PRMT9: variants seen among roughly 807,000 people sequenced by gnomAD.
PRMT9 encodes the protein protein arginine N-methyltransferase 9.
A neutral mutation model predicts 83.2 loss-of-function variants in PRMT9; 59 were observed. The observed-to-expected ratio is 0.71, with a 90% CI of 0.57 to 0.88. The LOEUF (loss-of-function observed/expected upper bound fraction) is 0.88, where lower values mean the gene tolerates loss of function less well. Among genes scored for constraint, PRMT9 ranks in the 40% least tolerant of loss-of-function variants. The probability of loss-of-function intolerance (pLI) is 0.00; values close to 1 mark genes in which losing one functional copy is unlikely to be tolerated. For synonymous variants in PRMT9, 333 were observed against 353.2 expected (o/e 0.94, Z 0.64); for missense variants, 947 against 1,021.9 (o/e 0.93, Z 1.00).
intron 5 of PRMT9, among the ~76,000 whole-genome samples, chr4:147,670,386 T>A (rs528246839): frequency 1.3e-5 from 2 of 152,152 alleles, no homozygotes; most frequent in African/African-American, 4.8e-5. Flanking sequence ...TCCATGTTGG[T>A]AAGGCTGGTC....
chr4:147,672,823 A>G, intron 4 of PRMT9, 136 bp downstream of exon 4: 2 of 434,010 alleles, frequency 4.6e-6, no homozygotes, highest in Non-Finnish European at 7.9e-6. Flanking sequence ...CTTATAATAA[A>G]CTATCTTATC....
rs1578953987 is a variant in PRMT9, at chr4:147,684,060, C to T, written c.-73G>A. ...ATTAGAAAACTCTCTCGATGCTACA[C>T]TTCCAGGGACCAGACAACTGCTCAA... On this transcript the variant is annotated 5_prime_UTR_variant, in exon 1 of 12. It adds an upstream start codon to the 5' untranslated region. Coordinates refer to ENST00000322396, the MANE Select transcript of PRMT9 (RefSeq NM_138364.4). 2 of 1,472,638 alleles carry T rather than the reference C, an allele frequency of 1.4e-6. No individual in the cohort carries two copies. The highest frequency in any genetic ancestry group is 1.2e-5 in the South Asian group (1 of 84,446). The allele number at this position is 1,472,638 out of a possible 1,614,324, so 91.2% of individuals were successfully genotyped here.
chr4:147,667,422 C>G (rs1273619773), intron 6 of PRMT9, among the ~76,000 whole-genome samples: 1 of 152,098 alleles, frequency 6.6e-6, no homozygotes. Context: ...AGTTTTTAAA[C>G]AAAATTAAAT....
Position 147,638,950 on chromosome 4 carries a change from T to C in PRMT9, c.2322+10A>G, listed in dbSNP as rs751309669. ...ATAACAAACGAAATCATTTTGCATG[T>C]TGTCCTTACCTTTACTTCTCTGTTA... On this transcript the variant is annotated intron_variant, in intron 11 of 11. Coordinates refer to ENST00000322396, the MANE Select transcript of PRMT9 (RefSeq NM_138364.4). The C allele has an allele frequency of 3.1e-6, 5 of 1,609,792 alleles. No homozygotes were observed. The South Asian group carries it at 4.4e-5, about 14-fold the overall frequency.
intron 1 of PRMT9, 29 bp downstream of exon 1, chr4:147,683,770 G>A: frequency 3.2e-6 from 4 of 1,255,450 alleles, no homozygotes; most frequent in Non-Finnish European, 3.3e-6. Context: ...CGTTGGATCT[G>A]CCAGCAAGTG....
At chr4:147,643,911 G>C (rs1334733960) in intron 9 of PRMT9, among the ~76,000 whole-genome samples, 1 of 152,186 alleles carries the variant, frequency 6.6e-6, no homozygotes, top group Non-Finnish European at 1.5e-5. Flanking sequence ...AGGATCGCTT[G>C]AGCCCAGGAG....
chr4:147,669,994 T>G (rs1735622634), intron 5 of PRMT9, among the ~76,000 whole-genome samples: 1 of 152,206 alleles, frequency 6.6e-6, no homozygotes, highest in Admixed American at 6.5e-5. Context: ...CAGTGAGGTC[T>G]GTAAGACTGA....
intron 7 of PRMT9, among the ~76,000 whole-genome samples, chr4:147,658,462 A>C (rs538700491): frequency 1.3e-5 from 2 of 152,156 alleles, no homozygotes; most frequent in Non-Finnish European, 2.9e-5. Flanking sequence ...TGAGATTTTA[A>C]AAAGGAAGAA....
intron 6 of PRMT9, among the ~76,000 whole-genome samples, chr4:147,665,840 T>C (rs1463804146): frequency 1.3e-5 from 2 of 152,232 alleles, no homozygotes; most frequent in Non-Finnish European, 2.9e-5. Context: ...ATTGAAATAC[T>C]TTCTTACTAA....
At chr4:147,661,212 G>C in intron 6 of PRMT9, 174 bp from the exon 7 acceptor site, 1 of 512,094 alleles carries the variant, frequency 2.0e-6, no homozygotes, top group Non-Finnish European at 3.4e-6. Context: ...AACTATAAAG[G>C]AAAACAACTA....
At chr4:147,649,787 G>T (rs1021722527) in intron 9 of PRMT9, among the ~76,000 whole-genome samples, 1 of 152,162 alleles carries the variant, frequency 6.6e-6, no homozygotes, top group African/African-American at 2.4e-5. Context: ...TTACAGGCAT[G>T]AGCCACCGCA....
chr4:147,641,198 T>C (rs1733376475), intron 10 of PRMT9, among the ~76,000 whole-genome samples: 1 of 152,188 alleles, frequency 6.6e-6, no homozygotes, highest in Non-Finnish European at 1.5e-5. Flanking sequence ...AGTCACATCA[T>C]GTCAAGCCTC....
rs985486059 is a variant in PRMT9 at position 147,684,044 on chromosome 4, C to T, written c.-57G>A. On this transcript the variant is annotated 5_prime_UTR_variant, in exon 1 of 12. Transcript: ENST00000322396. The stretch of plus-strand genomic sequence containing the variant: ...ATATTTTGTAAACGTAATTAGAAAA[C>T]TCTCTCGATGCTACACTTCCAGGGA... 3 of 1,536,148 alleles carry T rather than the reference C, an allele frequency of 2.0e-6. No individual in the cohort carries two copies. Among genetic ancestry groups the T allele is most frequent in the Non-Finnish European group, 2.7e-6 (3 of 1,123,850 alleles).
rs756514318 is a variant in PRMT9, at chr4:147,683,857, G to A, written c.131C>T (p.Ala44Val). The change falls in exon 1 of 12, where the codon GCC becomes GTC. Residue 44 changes from alanine (A) to valine (V), a missense_variant. Physicochemically the swap from Ala to Val is moderately conservative, Grantham distance 64. Coordinates refer to ENST00000322396, the MANE Select transcript of PRMT9 (RefSeq NM_138364.4). ...GAGCACGAGGAGGTAGTGGGCATAG[G>A]CAGTGCCGAAGTCCTGGACGCCCAG... Reference protein sequence around the residue: ...HCLGVQDFGTAYAHYLLVLSL... With the variant: ...HCLGVQDFGTVYAHYLLVLSL... 1 of 1,613,424 alleles carries A rather than the reference G, an allele frequency of 6.2e-7. No individual in the cohort carries two copies. Among genetic ancestry groups the A allele is most frequent in the Non-Finnish European group, 8.5e-7 (1 of 1,179,992 alleles).
chr4:147,683,836 A>T lies in PRMT9; in HGVS notation c.152T>A (p.Val51Glu). Reference protein sequence around the residue: ...FGTAYAHYLLVLSLAPELKHD... With the variant: ...FGTAYAHYLLELSLAPELKHD... ...TTTCAGCTCCGGCGCCAGGCTGAGC[A>T]CGAGGAGGTAGTGGGCATAGGCAGT... is the stretch of plus-strand genomic sequence containing the variant. The change falls in exon 1 of 12, where the codon GTG (valine) becomes GAG (glutamate). Residue 51 changes from valine (V) to glutamate (E), a missense_variant. Transcript: ENST00000322396. The T allele has an allele frequency of 5.0e-6, 8 of 1,610,330 alleles. No individual in the cohort carries two copies. Among genetic ancestry groups the T allele is most frequent in the Non-Finnish European group, 6.8e-6 (8 of 1,178,860 alleles).
chr4:147,652,771 TG>T (rs1734201932), intron 9 of PRMT9, among the ~76,000 whole-genome samples: 1 of 151,080 alleles, frequency 6.6e-6, no homozygotes. Flanking sequence ...GAACTCTCGT[TG>T]GTAGTTTTGC....
At chr4:147,660,111 T>C (rs536692614) in intron 7 of PRMT9, among the ~76,000 whole-genome samples, 2 of 152,284 alleles carry the variant, frequency 1.3e-5, no homozygotes, top group African/African-American at 4.8e-5. Flanking sequence ...CAGCATGATA[T>C]AGAGATAAGT....
intron 10 of PRMT9, among the ~76,000 whole-genome samples, chr4:147,639,558 G>C (rs566781394): frequency 6.6e-6 from 1 of 152,140 alleles, no homozygotes. Context: ...AATCTTGGCT[G>C]CAAATTAAAA....
rs1285599905 is a variant in PRMT9 at position 147,654,435 on chromosome 4, T to C, written c.1462A>G (p.Lys488Glu). The C allele has an allele frequency of 6.2e-7, 1 of 1,614,096 alleles. No individual in the cohort carries two copies. Among genetic ancestry groups the C allele is most frequent in the African/African-American group, 1.3e-5 (1 of 75,046 alleles). The change falls in exon 9 of 12, where the codon AAA (lysine) becomes GAA (glutamate). Residue 488 changes from lysine to glutamate, a missense_variant. Lys to Glu is a moderately conservative substitution (Grantham distance 56, BLOSUM62 1). Coordinates refer to ENST00000322396, the MANE Select transcript of PRMT9 (RefSeq NM_138364.4). ...MDVAKSFTQNKDLLSLGNEAE... is the reference protein window; with the variant it reads ...MDVAKSFTQNEDLLSLGNEAE... ...TCATTTCCTAACGATAACAAGTCTT[T>C]ATTCTGGGTAAAACTTTTTGCAACA...
Sources: gnomAD v4.1 joint callset for allele counts (sites outside exome capture counted in the v4.1 genomes callset) on GRCh38, gnomAD v4.1.1 for gene constraint, MANE v1.5 for transcripts, NCBI Gene and HGNC (gene_info 2026-07-23, HGNC 2026-07-21) for gene names.